Variants in B3GLCT observed in about 807,000 individuals in gnomAD.
The protein encoded by B3GLCT is beta-1,3-glucosyltransferase.
B3GLCT carries 65 observed loss-of-function variants against 63.4 expected under a neutral mutation model. That is an observed-to-expected ratio of 1.03 (90% CI 0.84 to 1.26). The LOEUF is 1.26. Ranked by LOEUF, B3GLCT falls within the 50% of genes most tolerant of loss-of-function variation. The pLI is 0.00. For missense variants in B3GLCT, 577 were observed against 604.8 expected (o/e 0.95, Z 0.48); for synonymous variants, 233 against 219.2 (o/e 1.06, Z -0.55).
intron 14 of B3GLCT, among the ~76,000 whole-genome samples, chr13:31,329,288 G>A (rs553976558): frequency 1.3e-5 from 2 of 152,312 alleles, no homozygotes; most frequent in South Asian, 4.1e-4. Context: ...AAAAAGCAGT[G>A]CATTTGGGGT....
chr13:31,200,611 G>T (rs1476391308), intron 1 of B3GLCT, among the ~76,000 whole-genome samples: 9 of 151,636 alleles, frequency 5.9e-5, no homozygotes, highest in African/African-American at 2.2e-4. Flanking sequence ...CCCCGCGCCG[G>T]GCGGGAGGCT....
chr13:31,253,944 A>T (rs530549645), intron 6 of B3GLCT, among the ~76,000 whole-genome samples: 1 of 152,206 alleles, frequency 6.6e-6, no homozygotes, highest in African/African-American at 2.4e-5. Flanking sequence ...GAAAAAATGG[A>T]TAAATTCCTG....
intron 4 of B3GLCT, among the ~76,000 whole-genome samples, chr13:31,232,517 T>C (rs1870432838): frequency 2.0e-5 from 3 of 152,160 alleles, no homozygotes; most frequent in South Asian, 2.1e-4. Context: ...TGTTAAACCA[T>C]GAGAAACTGC....
intron 12 of B3GLCT, among the ~76,000 whole-genome samples, chr13:31,295,677 A>T (rs1873899693): frequency 6.6e-6 from 1 of 152,182 alleles, no homozygotes; most frequent in Non-Finnish European, 1.5e-5. Context: ...ACCAAGCTCG[A>T]GCATCCCAGG....
chr13:31,268,976 G>A (rs533592611), intron 7 of B3GLCT, among the ~76,000 whole-genome samples: 2 of 152,214 alleles, frequency 1.3e-5, no homozygotes, highest in East Asian at 1.9e-4. Flanking sequence ...TGTATTGTAC[G>A]TTGTTTGGCA....
rs532796450 is a variant in B3GLCT at position 31,208,520 on chromosome 13, T to C, written c.71-6531T>C. 2.6e-5 allele frequency among the ~76,000 whole-genome samples: 4 copies of C among 151,628 alleles called. No homozygotes were observed. In the East Asian group the frequency reaches 7.8e-4, roughly 29 times the overall value. On this transcript the variant is annotated intron_variant, in intron 1 of 14. Coordinates refer to ENST00000343307, the MANE Select transcript of B3GLCT (RefSeq NM_194318.4). ...CCAAGTTGCCTTCCCTCACACGTGC[T>C]ACCCTCCTTTATTCTAGGAAGCCCC...
chr13:31,238,887 A>G (rs1870789362), intron 4 of B3GLCT, among the ~76,000 whole-genome samples: 1 of 152,236 alleles, frequency 6.6e-6, no homozygotes. Context: ...CTTGAGAATG[A>G]CGATAACGTG....
intron 8 of B3GLCT, 143 bp downstream of exon 8, chr13:31,269,420 G>A (rs1004858554): frequency 4.4e-5 from 27 of 620,414 alleles, no homozygotes; most frequent in African/African-American, 2.0e-4. Flanking sequence ...GCACTCCAGC[G>A]AATTAGGTGC....
At chr13:31,321,543 C>T (rs1875330467) in intron 13 of B3GLCT, among the ~76,000 whole-genome samples, 1 of 152,224 alleles carries the variant, frequency 6.6e-6, no homozygotes, top group South Asian at 2.1e-4. Context: ...CATACCCATG[C>T]ACACTCACAC....
At chr13:31,229,825 G>GT (rs1434934430) in intron 4 of B3GLCT, among the ~76,000 whole-genome samples, 5 of 148,210 alleles carry the variant, frequency 3.4e-5, no homozygotes, top group African/African-American at 1.2e-4. Context: ...TTTTTTGTGT[G>GT]TGTGTATATA....
At chr13:31,233,432 A>T (rs549425626) in intron 4 of B3GLCT, among the ~76,000 whole-genome samples, 195 of 147,514 alleles carry the variant, frequency 1.3e-3, no homozygotes, top group African/African-American at 4.7e-3. Context: ...AAACAAAATT[A>T]AAAAAAAAAA....
intron 2 of B3GLCT, among the ~76,000 whole-genome samples, chr13:31,219,824 A>G (rs1869736267): frequency 6.6e-6 from 1 of 152,230 alleles, no homozygotes; most frequent in Admixed American, 6.5e-5. Flanking sequence ...ATCAAAGTAA[A>G]GAGGAACTGC....
At chr13:31,216,142 T>C (rs915511236) in intron 2 of B3GLCT, among the ~76,000 whole-genome samples, 1 of 78,856 alleles carries the variant, frequency 1.3e-5, no homozygotes, top group Non-Finnish European at 3.7e-5. Flanking sequence ...TTTAATAGAA[T>C]GTTTCTTTAT....
intron 12 of B3GLCT, among the ~76,000 whole-genome samples, chr13:31,309,598 T>C (rs987324200): frequency 6.6e-6 from 1 of 152,204 alleles, no homozygotes; most frequent in African/African-American, 2.4e-5. Context: ...GGTTTACTGG[T>C]TTATTTTAAA....
At chr13:31,223,138 G>C in intron 3 of B3GLCT, 147 bp downstream of exon 3, 1 of 641,278 alleles carries the variant, frequency 1.6e-6, no homozygotes. Context: ...CCTAACGTTT[G>C]CTCTCCTGAA....
intron 2 of B3GLCT, among the ~76,000 whole-genome samples, chr13:31,221,362 C>T (rs1244320231): frequency 6.6e-6 from 1 of 152,198 alleles, no homozygotes; most frequent in African/African-American, 2.4e-5. Flanking sequence ...AGGTTGTCTT[C>T]CTGGTCAAGA....
chr13:31,283,621 A>G (rs1400568361), intron 10 of B3GLCT, among the ~76,000 whole-genome samples: 2 of 151,710 alleles, frequency 1.3e-5, no homozygotes, highest in Admixed American at 1.3e-4. Context: ...AAAGCCAGTG[A>G]AAGAGATTAT....
At chr13:31,309,034 C>T (rs1193683948) in intron 12 of B3GLCT, among the ~76,000 whole-genome samples, 1 of 152,152 alleles carries the variant, frequency 6.6e-6, no homozygotes, top group Non-Finnish European at 1.5e-5. Context: ...ATCCGGTGAA[C>T]CAATTCTCCA....
intron 6 of B3GLCT, among the ~76,000 whole-genome samples, chr13:31,253,603 A>C (rs1464290413): frequency 6.9e-6 from 1 of 143,904 alleles, no homozygotes; most frequent in Non-Finnish European, 1.5e-5. Context: ...CTCAAAAAAA[A>C]AAAAAAAAAA....
Sources: allele counts gnomAD v4.1 joint callset (sites outside exome capture counted in the v4.1 genomes callset), GRCh38; gene constraint gnomAD v4.1.1; transcripts MANE v1.5; gene names NCBI Gene and HGNC (gene_info 2026-07-23, HGNC 2026-07-21).